RPS6KA5: variants seen among roughly 807,000 people sequenced by gnomAD.
RPS6KA5 encodes ribosomal protein S6 kinase alpha-5.
Under a neutral mutation model 85.5 loss-of-function variants are expected in RPS6KA5, and 27 were observed. The ratio of observed to expected loss-of-function variants is 0.32; its 90% CI spans 0.23 to 0.44. The LOEUF (loss-of-function observed/expected upper bound fraction) is 0.44, where lower values mean the gene tolerates loss of function less well. RPS6KA5 is among the 20% of genes least tolerant of loss of function. RPS6KA5 has a pLI of 1.00. For synonymous variants in RPS6KA5, 334 were observed against 348.2 expected, an observed-to-expected ratio of 0.96 and a Z score of 0.46; for missense variants, 811 against 980.9, an observed-to-expected ratio of 0.83 and a Z score of 2.31.
At chr14:90,914,314 T>TTG (rs1566734158) in intron 7 of RPS6KA5, among the ~76,000 whole-genome samples, 2 of 139,036 alleles carry the variant, frequency 1.4e-5, no homozygotes, top group Admixed American at 7.2e-5. Flanking sequence ...CTAGGGTTTT[T>TTG]TTTTTTTTTT....
At chr14:91,045,903 A>G (rs980918136) in intron 1 of RPS6KA5, among the ~76,000 whole-genome samples, 2 of 152,138 alleles carry the variant, frequency 1.3e-5, no homozygotes, top group Admixed American at 1.3e-4. Flanking sequence ...CTCAAGCCAG[A>G]CACCTTCCTT....
intron 14 of RPS6KA5, among the ~76,000 whole-genome samples, chr14:90,877,917 A>G (rs1289142358): frequency 1.3e-5 from 2 of 152,242 alleles, no homozygotes; most frequent in Non-Finnish European, 2.9e-5. Context: ...TACATTTAAC[A>G]TACCTAGTAT....
At chr14:90,926,071 T>TTTCTATAAAAATGTTAACATTCA (rs2036651768) in intron 5 of RPS6KA5, among the ~76,000 whole-genome samples, 1 of 151,718 alleles carries the variant, frequency 6.6e-6, no homozygotes, top group Non-Finnish European at 1.5e-5. Context: ...GACAGTAAAT[T>TTTCTATAAAAATGTTAACATTCA]AGAGGATACT....
intron 4 of RPS6KA5, among the ~76,000 whole-genome samples, chr14:90,945,939 G>A (rs927455658): frequency 2.0e-5 from 3 of 152,156 alleles, no homozygotes; most frequent in Admixed American, 1.3e-4. Context: ...GGAAGGTGGA[G>A]GCTGCAGTGA....
chr14:91,028,068 G>A (rs868791633), intron 1 of RPS6KA5, among the ~76,000 whole-genome samples: 2 of 152,128 alleles, frequency 1.3e-5, no homozygotes, highest in Non-Finnish European at 2.9e-5. Context: ...CATGCAGTAA[G>A]ACCTGTCAAA....
chr14:91,016,444 C>A (rs2041501068), intron 1 of RPS6KA5, among the ~76,000 whole-genome samples: 2 of 151,986 alleles, frequency 1.3e-5, no homozygotes, highest in South Asian at 4.2e-4. Flanking sequence ...TCAAAATAAC[C>A]CTTTGTTCAT....
At chr14:91,036,371 A>C (rs1401034819) in intron 1 of RPS6KA5, among the ~76,000 whole-genome samples, 1 of 152,240 alleles carries the variant, frequency 6.6e-6, no homozygotes, top group Non-Finnish European at 1.5e-5. Flanking sequence ...TCTACCATTT[A>C]CTAAAGCTGT....
Position 91,060,240 on chromosome 14 carries a change from C to T in RPS6KA5, c.103+92G>A, listed in dbSNP as rs987636590. The T allele has an allele frequency of 3.1e-6, 3 of 966,244 alleles. No homozygotes were observed. In the Admixed American group the frequency reaches 1.9e-4, roughly 61 times the overall value. The allele number at this position is 966,244 out of a possible 1,614,324, so 59.9% of individuals were successfully genotyped here. A position where few individuals can be genotyped will look rare whatever the true frequency, so the allele number is the denominator to read the frequency against. ...GCCCGCCCCTCCGCGCCCACGGCTG[C>T]GGCCCCGCGCCCCCAGCCCCGCGCG... On this transcript the variant is annotated intron_variant, in intron 1 of 16. Coordinates refer to ENST00000614987, the MANE Select transcript of RPS6KA5 (RefSeq NM_004755.4).
intron 8 of RPS6KA5, among the ~76,000 whole-genome samples, chr14:90,903,947 A>AC (rs1304711056): frequency 2.0e-5 from 2 of 102,368 alleles, no homozygotes; most frequent in East Asian, 6.3e-4. Flanking sequence ...CAACTACCAT[A>AC]AATTTTTTTT....
chr14:90,930,137 G>C (rs1371426905), intron 5 of RPS6KA5, among the ~76,000 whole-genome samples: 1 of 152,190 alleles, frequency 6.6e-6, no homozygotes. Flanking sequence ...TTCCCAAAGT[G>C]CTGAGATTAC....
intron 1 of RPS6KA5, among the ~76,000 whole-genome samples, chr14:91,018,918 C>T (rs1320831422): frequency 1.3e-5 from 2 of 151,996 alleles, no homozygotes; most frequent in Non-Finnish European, 2.9e-5. Context: ...CATCTACCCT[C>T]TCTTTTCCTC....
chr14:91,046,978 T>C (rs375264018), intron 1 of RPS6KA5, among the ~76,000 whole-genome samples: 6 of 151,300 alleles, frequency 4.0e-5, no homozygotes, highest in Admixed American at 2.0e-4. Context: ...CAGGAGGTCA[T>C]TGAGGCTGTA....
At chr14:90,920,447 T>C in intron 6 of RPS6KA5, 138 bp from the exon 7 acceptor site, 1 of 614,768 alleles carries the variant, frequency 1.6e-6, no homozygotes, top group Non-Finnish European at 2.9e-6. Flanking sequence ...GTAAGGAGTA[T>C]TAAATTAACA....
Position 90,853,228 on chromosome 14 carries a change from G to C in RPS6KA5, c.*18846C>G, listed in dbSNP as rs2032098634. ...CCTCTAAATGAAACAACTTTATAAGGGATGAAGATGTCATAATGATATTTT... is the reference window on the plus strand; with the variant it reads ...CCTCTAAATGAAACAACTTTATAAGCGATGAAGATGTCATAATGATATTTT... On this transcript the variant is annotated 3_prime_UTR_variant, in exon 17 of 17. Transcript: ENST00000614987. 1 of 152,058 alleles carries C rather than the reference G, an allele frequency of 6.6e-6. No homozygotes were observed. Among genetic ancestry groups the C allele is most frequent in the Non-Finnish European group, 1.5e-5 (1 of 67,996 alleles). The allele number at this position is 152,058 out of a possible 1,614,324, so 9.4% of individuals were successfully genotyped here.
chr14:91,040,034 G>A (rs1012504540), intron 1 of RPS6KA5, among the ~76,000 whole-genome samples: 3 of 152,214 alleles, frequency 2.0e-5, no homozygotes, highest in African/African-American at 4.8e-5. Context: ...GTTGGTGGGT[G>A]GGGAGAATGT....
intron 1 of RPS6KA5, among the ~76,000 whole-genome samples, chr14:91,005,572 A>G (rs1049115072): frequency 6.6e-6 from 1 of 152,190 alleles, no homozygotes; most frequent in African/African-American, 2.4e-5. Context: ...GACAAAACAC[A>G]TAAGAAGAAA....
chr14:90,975,073 AG>A (rs1164320551), intron 3 of RPS6KA5, among the ~76,000 whole-genome samples: 1 of 152,204 alleles, frequency 6.6e-6, no homozygotes, highest in Non-Finnish European at 1.5e-5. Flanking sequence ...GTATATAATA[AG>A]GTTCATGCTG....
intron 14 of RPS6KA5, among the ~76,000 whole-genome samples, chr14:90,889,593 A>C (rs2034440122): frequency 6.6e-6 from 1 of 152,100 alleles, no homozygotes; most frequent in East Asian, 1.9e-4. Context: ...CACATATATA[A>C]AAAAAATTCA....
chr14:90,903,401 G>A (rs1025249565), intron 8 of RPS6KA5, among the ~76,000 whole-genome samples: 1 of 152,212 alleles, frequency 6.6e-6, no homozygotes, highest in Non-Finnish European at 1.5e-5. Context: ...ATTTTCTAGA[G>A]GCAGTGTTAC....
Sources: gnomAD v4.1 joint callset for allele counts (sites outside exome capture counted in the v4.1 genomes callset) on GRCh38, gnomAD v4.1.1 for gene constraint, MANE v1.5 for transcripts, NCBI Gene and HGNC (gene_info 2026-07-23, HGNC 2026-07-21) for gene names.